CAMKK1: variants seen among roughly 807,000 people sequenced by gnomAD.
CAMKK1 encodes calcium/calmodulin dependent protein kinase kinase 1, also known as calcium/calmodulin-dependent protein kinase kinase 1.
In CAMKK1, 20 loss-of-function variants were observed where a neutral mutation model predicts 63.5. The observed-to-expected ratio is 0.32, with a 90% CI of 0.22 to 0.46. CAMKK1 has a LOEUF of 0.46. CAMKK1 is among the 20% of genes least tolerant of loss of function. The pLI, the probability that CAMKK1 is intolerant of heterozygous loss-of-function variation, is 1.00. For missense variants in CAMKK1, 588 were observed against 658.1 expected (o/e 0.89, Z 1.17); for synonymous variants, 253 against 269.0 (o/e 0.94, Z 0.58).
At chr17:3,891,238 C>T (rs999418015) in intron 1 of CAMKK1, among the ~76,000 whole-genome samples, 1 of 152,048 alleles carries the variant, frequency 6.6e-6, no homozygotes, top group Admixed American at 6.5e-5. Context: ...CAGCAGTGAA[C>T]CAAAAAGACC....
intron 8 of CAMKK1, 117 bp downstream of exon 8, chr17:3,881,510 G>A (rs545108270): frequency 3.1e-6 from 3 of 971,460 alleles, no homozygotes; most frequent in African/African-American, 3.2e-5. Context: ...CCTAAGGGCA[G>A]GGCCTCCGTC....
At position 3,862,275 on chromosome 17, in the gene CAMKK1, C is replaced by T. The variant is rs780381681; in HGVS notation, c.1454G>A (p.Gly485Glu). 7.6e-6 allele frequency: 12 copies of T among 1,584,068 alleles called. No individual in the cohort carries two copies. The Admixed American group carries it at 2.0e-4, about 26-fold the overall frequency. The change falls in exon 16 of 16, where the codon GGG becomes GAG. Residue 485 changes from glycine to glutamate, a missense_variant. Physicochemically the swap from Gly to Glu is moderately conservative, Grantham distance 98. Coordinates refer to ENST00000348335, the MANE Select transcript of CAMKK1 (RefSeq NM_032294.3). The surrounding 1 kb of genome is among the most constrained non-coding windows in gnomAD (Gnocchi z 4.1). ...SAPGNLLVKE[G>E]FGEGGKSPEL... The stretch of plus-strand genomic sequence containing the variant: ...TGGGCTCTTGCCCCCTTCACCAAAC[C>T]CTTCTTTCCTGTTCAGGGGACACCA...
At position 3,871,511 on chromosome 17, in the gene CAMKK1, C is replaced by G. The variant is rs568696201; in HGVS notation, c.1124+1043G>C. ...CTGGGACTACAGGCACCCGCCACCA[C>G]GCCCGGCTAATTTTTTTTCTATTTT... On this transcript the variant is annotated intron_variant, in intron 12 of 15. Coordinates refer to ENST00000348335, the MANE Select transcript of CAMKK1 (RefSeq NM_032294.3). 2.1e-4 allele frequency among the ~76,000 whole-genome samples: 31 copies of G among 150,634 alleles called. 1 individual carries two copies. In the South Asian group the frequency reaches 5.4e-3, roughly 26 times the overall value.
intron 14 of CAMKK1, 47 bp downstream of exon 14, chr17:3,869,440 C>T (rs1403814896): frequency 1.9e-6 from 3 of 1,610,442 alleles, no homozygotes; most frequent in East Asian, 2.2e-5. Context: ...AGGCTCAGGT[C>T]CCCCAGGCCC....
At position 3,869,875 on chromosome 17, in the gene CAMKK1, C is replaced by T. The variant is rs757228915; in HGVS notation, c.1138G>A (p.Glu380Lys). 4.3e-6 allele frequency: 7 copies of T among 1,614,234 alleles called. No homozygotes were observed. The highest frequency in any genetic ancestry group is 1.1e-5 in the South Asian group (1 of 91,084). ...VVFPEEPEIS[E>K]ELKDLILKML... ...TTCAGGATCAGGTCCTTGAGCTCCT[C>T]GCTGATTTCTGGCCTGGAGAGGGCG... The change falls in exon 13 of 16, where the codon GAG (glutamate) becomes AAG (lysine). Residue 380 changes from glutamate (E) to lysine (K), a missense_variant. Coordinates refer to ENST00000348335, the MANE Select transcript of CAMKK1 (RefSeq NM_032294.3).
chr17:3,872,475 C>T (rs2054932250), intron 12 of CAMKK1, 79 bp downstream of exon 12: 1 of 1,273,630 alleles, frequency 7.9e-7, no homozygotes, highest in Non-Finnish European at 1.1e-6. Flanking sequence ...GTGGGGTCCT[C>T]AGAGGGCAAA....
chr17:3,872,467 G>T, intron 12 of CAMKK1, 87 bp downstream of exon 12: 1 of 1,070,634 alleles, frequency 9.3e-7, no homozygotes, highest in Non-Finnish European at 1.4e-6. Context: ...AGGCTGGGGT[G>T]GGGTCCTCAG....
chr17:3,863,043 A>G (rs1217838015), intron 15 of CAMKK1, among the ~76,000 whole-genome samples: 3 of 152,228 alleles, frequency 2.0e-5, no homozygotes, highest in Admixed American at 2.0e-4. Context: ...TCCATCTATC[A>G]GTCTTGGGAT....
At chr17:3,876,176 T>C in intron 10 of CAMKK1, 47 bp downstream of exon 10, 1 of 1,570,110 alleles carries the variant, frequency 6.4e-7, no homozygotes, top group Non-Finnish European at 8.7e-7. Flanking sequence ...GGCAAGCTAT[T>C]ACGCCCCCCA....
chr17:3,885,903 C>T (rs531998722), intron 1 of CAMKK1, among the ~76,000 whole-genome samples, 173 bp from the exon 2 acceptor site: 4 of 152,228 alleles, frequency 2.6e-5, no homozygotes, highest in Non-Finnish European at 4.4e-5. Context: ...GAATTCACAT[C>T]GGTTCTGCCG....
rs1597431117 is a variant in CAMKK1 at position 3,862,197 on chromosome 17, G to T, written c.*14C>A. On this transcript the variant is annotated 3_prime_UTR_variant, in exon 16 of 16. Transcript: ENST00000348335. The surrounding 1 kb of genome is among the most constrained non-coding windows in gnomAD (Gnocchi z 4.1). ...TGAGTGTGCTGCCGGGTGGCCCTGG[G>T]TGCATGCAGGGGCTCAGGATGCAGC... 6.4e-7 allele frequency: 1 copy of T among 1,574,556 alleles called. No homozygotes were observed.
chr17:3,871,333 GTTTTTTTTTTTTTGT>G (rs2054841863), intron 12 of CAMKK1, among the ~76,000 whole-genome samples: 2 of 111,006 alleles, frequency 1.8e-5, no homozygotes, highest in Non-Finnish European at 3.7e-5. Flanking sequence ...GTTGTTTTTT[GTTTTTTTTTTTTTGT>G]TTTTTTTTTT....
intron 12 of CAMKK1, among the ~76,000 whole-genome samples, chr17:3,871,347 G>GTTTTTTTT (rs869219931): frequency 1.1e-4 from 12 of 104,352 alleles, no homozygotes; most frequent in Non-Finnish European, 1.7e-4. Context: ...TTTTTTTTTT[G>GTTTTTTTT]TTTTTTTTTT....
At chr17:3,886,062 G>C (rs1220513279) in intron 1 of CAMKK1, among the ~76,000 whole-genome samples, 1 of 152,204 alleles carries the variant, frequency 6.6e-6, no homozygotes, top group African/African-American at 2.4e-5. Flanking sequence ...CACTGGAAGG[G>C]GCAGAGCCCA....
Position 3,862,209 on chromosome 17 carries a change from G to T in CAMKK1, c.*2C>A. On this transcript the variant is annotated 3_prime_UTR_variant, in exon 16 of 16. Coordinates refer to ENST00000348335, the MANE Select transcript of CAMKK1 (RefSeq NM_032294.3). The surrounding 1 kb of genome is among the most constrained non-coding windows in gnomAD (Gnocchi z 4.1). ...CGGGTGGCCCTGGGTGCATGCAGGG[G>T]CTCAGGATGCAGCCTCGTCTTCCTG... The T allele has an allele frequency of 6.3e-7, 1 of 1,581,582 alleles. No individual in the cohort carries two copies.
chr17:3,865,378 A>C (rs1478736864), intron 15 of CAMKK1: 1 of 990,496 alleles, frequency 1.0e-6, no homozygotes, highest in African/African-American at 1.7e-5. Flanking sequence ...CAAAGTGCTG[A>C]CTGGGCACAG....
chr17:3,880,730 G>A (rs925344856), intron 8 of CAMKK1, among the ~76,000 whole-genome samples: 5 of 150,968 alleles, frequency 3.3e-5, no homozygotes, highest in Admixed American at 1.3e-4. Flanking sequence ...GTTTCAAACC[G>A]TGGATCCAGA....
Position 3,883,932 on chromosome 17 carries a change from G to A in CAMKK1, c.414C>T (p.Ala138=). 3 of 1,613,638 alleles carry A rather than the reference G, an allele frequency of 1.9e-6. No homozygotes were observed. The highest frequency in any genetic ancestry group is 2.5e-6 in the Non-Finnish European group (3 of 1,179,902). The change falls in exon 4 of 16, where the codon GCC becomes GCT. Residue 138 remains alanine, a synonymous_variant. Coordinates refer to ENST00000348335, the MANE Select transcript of CAMKK1 (RefSeq NM_032294.3). The surrounding 1 kb of genome is among the most constrained non-coding windows in gnomAD (Gnocchi z 4.7). ...YKLQSEIGKG[A]YGVVRLAYNE... ...TGTAGGCCAGCCTCACCACACCGTA[G>A]GCACCCTGCAGATAGGCATCAGTCA...
intron 15 of CAMKK1, among the ~76,000 whole-genome samples, chr17:3,865,004 C>T (rs1367963597): frequency 6.6e-6 from 1 of 152,174 alleles, no homozygotes; most frequent in South Asian, 2.1e-4. Flanking sequence ...CAGAGCAGGC[C>T]AGGGTGGGGC....
Sources: gnomAD v4.1 joint callset for allele counts (sites outside exome capture counted in the v4.1 genomes callset) on GRCh38, gnomAD v4.1.1 for gene constraint, Gnocchi (gnomAD v3.1) non-coding constraint, MANE v1.5 for transcripts, NCBI Gene and HGNC (gene_info 2026-07-23, HGNC 2026-07-21) for gene names.